Variants in GREB1L observed in about 807,000 individuals in gnomAD.
GREB1L encodes GREB1 like retinoic acid receptor coactivator.
GREB1L carries 17 observed loss-of-function variants against 200.8 expected under a neutral mutation model. The observed-to-expected ratio is 0.08, with a 90% confidence interval of 0.06 to 0.13. The LOEUF is 0.13. Ranked by LOEUF, GREB1L falls within the 10% of genes least tolerant of loss-of-function variation. The pLI is 1.00. For synonymous variants in GREB1L, 789 were observed against 893.0 expected, an observed-to-expected ratio of 0.88 and a Z score of 2.08; for missense variants, 1,657 against 2,367.7, an observed-to-expected ratio of 0.70 and a Z score of 6.23.
At chr18:21,365,226 G>C (rs1452846812) in intron 1 of GREB1L, among the ~76,000 whole-genome samples, 2 of 151,874 alleles carry the variant, frequency 1.3e-5, no homozygotes, top group Non-Finnish European at 2.9e-5. Context: ...TATTTATATT[G>C]AAGTTAGTTT....
chr18:21,291,955 G>A (rs1268268763), intron 1 of GREB1L, among the ~76,000 whole-genome samples: 4 of 152,172 alleles, frequency 2.6e-5, no homozygotes, highest in Non-Finnish European at 5.9e-5. Context: ...GAGGATACAG[G>A]ATGGGCTTGG....
chr18:21,515,879 C>T (rs1168151166), intron 29 of GREB1L, among the ~76,000 whole-genome samples: 1 of 152,188 alleles, frequency 6.6e-6, no homozygotes, highest in Non-Finnish European at 1.5e-5. Flanking sequence ...TTAGCCATCT[C>T]ATTATTCAAC....
intron 4 of GREB1L, among the ~76,000 whole-genome samples, chr18:21,394,213 A>G (rs985560327): frequency 2.4e-4 from 37 of 152,186 alleles, no homozygotes; most frequent in African/African-American, 7.0e-4. Context: ...CCAATCAACT[A>G]TGGCCAGAAA....
intron 2 of GREB1L, among the ~76,000 whole-genome samples, chr18:21,372,790 G>A (rs142716063): frequency 0.021 from 3,270 of 152,158 alleles, 54 homozygotes; most frequent in Middle Eastern, 0.061. Flanking sequence ...GCATGATGGC[G>A]GGCGCCTGTA....
Position 21,365,558 on chromosome 18 carries a change from A to G in GREB1L, c.-119-469A>G, listed in dbSNP as rs1166966317. On this transcript the variant is annotated intron_variant, in intron 1 of 32. Transcript: ENST00000424526. The stretch of plus-strand genomic sequence containing the variant: ...AGGCTTTCTTACTGGAAAATTTTCA[A>G]TCAATAGTAATTATGTTTTACGTTT... Among the ~76,000 whole-genome samples, 31 of 152,178 alleles carry G rather than the reference A, an allele frequency of 2.0e-4. 2 individuals carry two copies. The highest frequency in any genetic ancestry group is 2.1e-4 in the South Asian group (1 of 4,828).
Position 21,520,630 on chromosome 18 carries a change from C to T in GREB1L, c.5473-58C>T, listed in dbSNP as rs2037575479. 3.3e-6 allele frequency: 5 copies of T among 1,530,754 alleles called. No individual in the cohort carries two copies. In the South Asian group the frequency reaches 3.6e-5, roughly 11 times the overall value. 94.8% of individuals were successfully genotyped at this position (1,530,754 alleles called of 1,614,324 possible). A position where few individuals can be genotyped will look rare whatever the true frequency, so the allele number is the denominator to read the frequency against. ...GAAGGTACTGAGTCATTCTGCTGAA[C>T]TGCAGATATTTTGCTTGCTCTTGAA... On this transcript the variant is annotated intron_variant, in intron 31 of 32. Transcript: ENST00000424526.
At chr18:21,446,464 A>G (rs769319009) in intron 11 of GREB1L, among the ~76,000 whole-genome samples, 2 of 152,254 alleles carry the variant, frequency 1.3e-5, no homozygotes, top group African/African-American at 2.4e-5. Flanking sequence ...AGAAAAAAAG[A>G]AACAATTTCA....
intron 7 of GREB1L, 101 bp from the exon 8 acceptor site, chr18:21,439,420 G>T: frequency 1.5e-6 from 1 of 676,020 alleles, no homozygotes. Context: ...GAGGTTTCTT[G>T]GAATCCTAGA....
intron 5 of GREB1L, among the ~76,000 whole-genome samples, chr18:21,400,048 G>A (rs890473136): frequency 6.6e-6 from 1 of 151,586 alleles, no homozygotes; most frequent in Non-Finnish European, 1.5e-5. Flanking sequence ...TAGAAATATT[G>A]CCTTTATACG....
intron 14 of GREB1L, among the ~76,000 whole-genome samples, chr18:21,453,745 T>A (rs1441905634): frequency 6.6e-6 from 1 of 152,032 alleles, no homozygotes; most frequent in Non-Finnish European, 1.5e-5. Flanking sequence ...CACCTAGACC[T>A]GCTAGGTCAC....
At chr18:21,303,905 A>G (rs1166416073) in intron 1 of GREB1L, among the ~76,000 whole-genome samples, 3 of 152,188 alleles carry the variant, frequency 2.0e-5, no homozygotes, top group African/African-American at 4.8e-5. Context: ...ACGAGGGTCA[A>G]TCAGAAGCTG....
intron 1 of GREB1L, among the ~76,000 whole-genome samples, chr18:21,329,039 G>A (rs556202329): frequency 6.6e-6 from 1 of 152,124 alleles, no homozygotes; most frequent in South Asian, 2.1e-4. Flanking sequence ...TATTGTAATG[G>A]AGGCCAGGCA....
intron 10 of GREB1L, 129 bp downstream of exon 10, chr18:21,441,666 C>A: frequency 1.1e-6 from 1 of 911,548 alleles, no homozygotes; most frequent in Non-Finnish European, 1.6e-6. Flanking sequence ...TTTTATTGGT[C>A]AGCTCTTTCA....
chr18:21,349,228 T>C (rs932201372), intron 1 of GREB1L, among the ~76,000 whole-genome samples: 1 of 147,486 alleles, frequency 6.8e-6, no homozygotes, highest in South Asian at 2.2e-4. Flanking sequence ...AATTATGTTA[T>C]TTTTTTTTTG....
rs2034425052 is a variant in GREB1L, at chr18:21,449,742, C to T, written c.1626C>T (p.Leu542=). 4 of 1,551,262 alleles carry T rather than the reference C, an allele frequency of 2.6e-6. No homozygotes were observed. Among genetic ancestry groups the T allele is most frequent in the Non-Finnish European group, 1.7e-6 (2 of 1,146,738 alleles). The part of the protein sequence containing the change: ...AEGISETLRT[L]SEMRHYQRLP... ...GCATTTCAGAGACCTTAAGGACTCTCAGTGAAATGAGACACTATCAAAGGC... is the reference window on the plus strand; with the variant it reads ...GCATTTCAGAGACCTTAAGGACTCTTAGTGAAATGAGACACTATCAAAGGC... The change falls in exon 12 of 33, where the codon CTC becomes CTT. Residue 542 remains leucine, a synonymous_variant. Transcript: ENST00000424526.
chr18:21,501,458 C>A (rs1258357795), intron 23 of GREB1L, among the ~76,000 whole-genome samples: 2 of 152,104 alleles, frequency 1.3e-5, no homozygotes, highest in Non-Finnish European at 2.9e-5. Flanking sequence ...TGTTCAGCTC[C>A]CACCTGTGAG....
At chr18:21,460,951 G>C (rs1452012227) in intron 15 of GREB1L, among the ~76,000 whole-genome samples, 2 of 151,898 alleles carry the variant, frequency 1.3e-5, no homozygotes, top group Admixed American at 1.3e-4. Context: ...ACAAAAATTA[G>C]CCAAGCAAGG....
chr18:21,245,246 G>A (rs1252801008), intron 1 of GREB1L, among the ~76,000 whole-genome samples: 2 of 152,164 alleles, frequency 1.3e-5, no homozygotes, highest in African/African-American at 2.4e-5. Context: ...CATACTGAAA[G>A]CTAAAGCTTT....
chr18:21,285,486 G>C (rs1275864553), intron 1 of GREB1L, among the ~76,000 whole-genome samples: 1 of 152,130 alleles, frequency 6.6e-6, no homozygotes, highest in Non-Finnish European at 1.5e-5. Flanking sequence ...GGTTTTCTTG[G>C]AGGCCAGGTC....
Sources: allele counts gnomAD v4.1 joint callset (sites outside exome capture counted in the v4.1 genomes callset), GRCh38; gene constraint gnomAD v4.1.1; transcripts MANE v1.5; gene names NCBI Gene and HGNC (gene_info 2026-07-23, HGNC 2026-07-21).